Variants in WDR17 observed in about 807,000 individuals in gnomAD.
WDR17 encodes the protein WD repeat domain 17, also known as WD repeat-containing protein 17.
In WDR17, 143 loss-of-function variants were observed where a neutral mutation model predicts 161.7. The observed-to-expected ratio is 0.88, with a 90% CI of 0.77 to 1.02. The LOEUF is 1.02. Among genes scored for constraint, WDR17 ranks in the 50% least tolerant of loss-of-function variants. WDR17 has a pLI of 0.00. For synonymous variants in WDR17, 517 were observed against 515.6 expected (o/e 1.00, Z -0.04); for missense variants, 1,469 against 1,520.9 (o/e 0.97, Z 0.57).
intron 1 of WDR17, among the ~76,000 whole-genome samples, chr4:176,090,654 C>T (rs1736005349): frequency 6.6e-6 from 1 of 152,098 alleles, no homozygotes; most frequent in Non-Finnish European, 1.5e-5. Flanking sequence ...ATGCCAAGAC[C>T]AGCTTGGTCA....
At position 176,181,763 on chromosome 4, in the gene WDR17, A is replaced by G. The variant is rs142527438; in HGVS notation, c.*2184A>G. 1.8e-3 allele frequency: 270 copies of G among 152,436 alleles called. No homozygotes were observed. Among genetic ancestry groups the G allele is most frequent in the African/African-American group, 6.3e-3 (261 of 41,548 alleles). 9.4% of individuals were successfully genotyped at this position (152,436 alleles called of 1,614,324 possible). ...TAAAAGGATATCATTAAGTATATAA[A>G]CAATCATTACTTCTGTATTTTTAAT... On this transcript the variant is annotated 3_prime_UTR_variant, in exon 29 of 29. Transcript: ENST00000508596.
At chr4:176,169,334 G>T (rs1750357818) in intron 23 of WDR17, among the ~76,000 whole-genome samples, 1 of 152,038 alleles carries the variant, frequency 6.6e-6, no homozygotes, top group Non-Finnish European at 1.5e-5. Context: ...TGTTCAATAG[G>T]AAGATTATTT....
In WDR17 at chr4:176,092,643, C is replaced by T. The variant is rs190697701; in HGVS notation, c.-6-18932C>T. ...TCTTATATTTAGGAAAACCTAAAGA[C>T]TCTACCAAAAAAAATAGAACTGATA... On this transcript the variant is annotated intron_variant, in intron 1 of 28. Transcript: ENST00000508596. 8.5e-5 allele frequency among the ~76,000 whole-genome samples: 13 copies of T among 152,240 alleles called. No individual in the cohort carries two copies. In the East Asian group the frequency reaches 2.5e-3, roughly 29 times the overall value.
At chr4:176,171,344 C>T (rs949861816) in intron 23 of WDR17, among the ~76,000 whole-genome samples, 1 of 152,064 alleles carries the variant, frequency 6.6e-6, no homozygotes, top group East Asian at 1.9e-4. Flanking sequence ...GAGCATATAT[C>T]AAGGTGAAGA....
chr4:176,154,741 TA>T, intron 17 of WDR17, among the ~76,000 whole-genome samples: 1 of 152,318 alleles, frequency 6.6e-6, no homozygotes, highest in African/African-American at 2.4e-5. Flanking sequence ...GTTTAAAATT[TA>T]ACGTATTATT....
chr4:176,178,436 A>T (rs986836331), intron 28 of WDR17, among the ~76,000 whole-genome samples: 1 of 152,138 alleles, frequency 6.6e-6, no homozygotes, highest in Non-Finnish European at 1.5e-5. Context: ...AGTACGTGGT[A>T]CCTTCAGGTT....
In WDR17 at chr4:176,179,618, G is replaced by T; in HGVS notation, c.*39G>T. On this transcript the variant is annotated 3_prime_UTR_variant, in exon 29 of 29. Coordinates refer to ENST00000508596, the MANE Select transcript of WDR17 (RefSeq NM_181265.4). ...TCCATGCTTGATTTTTTTTTTTAAA[G>T]AAAAACTTTCATGGGTTAGCATTAC... 3 of 1,507,198 alleles carry T rather than the reference G, an allele frequency of 2.0e-6. No homozygotes were observed. Among genetic ancestry groups the T allele is most frequent in the South Asian group, 1.4e-5 (1 of 71,914 alleles). The allele number at this position is 1,507,198 out of a possible 1,614,324, so 93.4% of individuals were successfully genotyped here.
chr4:176,177,015 T>C (rs752458826), intron 26 of WDR17, 43 bp from the exon 27 acceptor site: 3 of 1,384,248 alleles, frequency 2.2e-6, no homozygotes, highest in South Asian at 2.3e-5. Flanking sequence ...TCTGATATCT[T>C]AGTTTTTGGT....
At chr4:176,167,088 A>G (rs13143172) in intron 22 of WDR17, among the ~76,000 whole-genome samples, 4 of 152,134 alleles carry the variant, frequency 2.6e-5, no homozygotes, top group Non-Finnish European at 5.9e-5. Context: ...CTTTTAGTAA[A>G]ACTTTGGATT....
At chr4:176,131,533 T>A in intron 6 of WDR17, 21 bp from the exon 7 acceptor site, 1 of 1,581,850 alleles carries the variant, frequency 6.3e-7, no homozygotes, top group Non-Finnish European at 8.6e-7. Context: ...TCCAATAGGA[T>A]TTTTTTTCTT....
intron 1 of WDR17, among the ~76,000 whole-genome samples, chr4:176,102,652 T>G (rs1738002424): frequency 6.6e-6 from 1 of 152,200 alleles, no homozygotes; most frequent in Non-Finnish European, 1.5e-5. Context: ...ATAAATAGTA[T>G]TATTCTGCAC....
At chr4:176,113,955 A>T (rs368264569) in intron 2 of WDR17, among the ~76,000 whole-genome samples, 1 of 152,046 alleles carries the variant, frequency 6.6e-6, no homozygotes, top group East Asian at 1.9e-4. Context: ...TGTAAACATC[A>T]TAGGAATGCA....
At chr4:176,177,985 C>CAAAAAAAAAAAAAAAAAAAAAAAAAAAA (rs869298899) in intron 28 of WDR17, among the ~76,000 whole-genome samples, 3 of 46,298 alleles carry the variant, frequency 6.5e-5, no homozygotes, top group East Asian at 4.6e-4. Flanking sequence ...AACTCCGTCT[C>CAAAAAAAAAAAAAAAAAAAAAAAAAAAA]AAAAAAAAAA....
At chr4:176,080,045 A>G (rs2126587659) in intron 1 of WDR17, among the ~76,000 whole-genome samples, 1 of 152,198 alleles carries the variant, frequency 6.6e-6, no homozygotes, top group Non-Finnish European at 1.5e-5. Context: ...CAATGCTGCC[A>G]CATTGGGGAT....
intron 1 of WDR17, among the ~76,000 whole-genome samples, chr4:176,090,026 C>T (rs1200457215): frequency 6.6e-6 from 1 of 152,002 alleles, no homozygotes; most frequent in East Asian, 1.9e-4. Context: ...TGTTATCTTC[C>T]TCCAGAGAGA....
In WDR17 at chr4:176,171,638, C is replaced by T. The variant is rs562402880; in HGVS notation, c.3103-737C>T. Among the ~76,000 whole-genome samples the T allele has an allele frequency of 2.6e-5, 4 of 152,198 alleles. No homozygotes were observed. The South Asian group carries it at 8.3e-4, about 32-fold the overall frequency. Reference sequence around the variant, plus strand: ...TTTATCCACATTGTTTAGCAACAAACTTGAACGTTTAAGCTTCAACAATTA... The same window carrying T: ...TTTATCCACATTGTTTAGCAACAAATTTGAACGTTTAAGCTTCAACAATTA... On this transcript the variant is annotated intron_variant, in intron 23 of 28. Coordinates refer to ENST00000508596, the MANE Select transcript of WDR17 (RefSeq NM_181265.4).
At chr4:176,175,538 A>ATTTGTTTGTTTG (rs146325115) in intron 26 of WDR17, among the ~76,000 whole-genome samples, 10 of 150,158 alleles carry the variant, frequency 6.7e-5, no homozygotes, top group South Asian at 2.1e-4. Context: ...GCAGTCTTTT[A>ATTTGTTTGTTTG]TTTGTTTGTT....
chr4:176,172,832 C>T (rs1175672509), intron 24 of WDR17, among the ~76,000 whole-genome samples: 1 of 151,836 alleles, frequency 6.6e-6, no homozygotes, highest in Non-Finnish European at 1.5e-5. Flanking sequence ...AGGGAGGTGC[C>T]ACGCTCTTAA....
At chr4:176,086,249 A>G (rs1735401061) in intron 1 of WDR17, among the ~76,000 whole-genome samples, 1 of 151,980 alleles carries the variant, frequency 6.6e-6, no homozygotes, top group Admixed American at 6.6e-5. Flanking sequence ...TGTTTATTTG[A>G]AAAGAATGTG....
Sources: allele counts gnomAD v4.1 joint callset (sites outside exome capture counted in the v4.1 genomes callset), GRCh38; gene constraint gnomAD v4.1.1; transcripts MANE v1.5; gene names NCBI Gene and HGNC (gene_info 2026-07-23, HGNC 2026-07-21).